CROT: variants seen among roughly 807,000 people sequenced by gnomAD.
CROT encodes peroxisomal carnitine O-octanoyltransferase.
In CROT, 84 loss-of-function variants were observed where a neutral mutation model predicts 89.2. That is an observed-to-expected ratio of 0.94 (90% CI 0.79 to 1.13). The LOEUF is 1.13. Among genes scored for constraint, CROT ranks in the 50% most tolerant of loss-of-function variants. CROT has a pLI of 0.00. For synonymous variants in CROT, 212 were observed against 239.5 expected (o/e 0.89, Z 1.06); for missense variants, 711 against 727.8 (o/e 0.98, Z 0.27).
intron 4 of CROT, among the ~76,000 whole-genome samples, chr7:87,361,076 C>T (rs1180598860): frequency 1.3e-5 from 2 of 152,008 alleles, no homozygotes; most frequent in Non-Finnish European, 2.9e-5. Context: ...TCAGGTGGTC[C>T]TCCTGCCTCA....
In CROT at chr7:87,382,521, G is replaced by A; in HGVS notation, c.1279G>A (p.Ala427Thr). ...GTTTATTCAGCTTGCACTTCAGCTG[G>A]CCTATTACAGACTTCATGGACAGTA... is the stretch of plus-strand genomic sequence containing the variant. ...DTFIQLALQL[A>T]YYRLHGHPGC... is the part of the protein sequence containing the mutation. The change falls in exon 13 of 18, where the codon GCC (alanine) becomes ACC (threonine). Residue 427 changes from alanine (A) to threonine (T), a missense_variant. Physicochemically the swap from Ala to Thr is moderately conservative, Grantham distance 58. Coordinates refer to ENST00000331536, the MANE Select transcript of CROT (RefSeq NM_021151.4). 6.2e-7 allele frequency: 1 copy of A among 1,613,802 alleles called. No individual in the cohort carries two copies. Among genetic ancestry groups the A allele is most frequent in the Non-Finnish European group, 8.5e-7 (1 of 1,179,806 alleles).
intron 7 of CROT, among the ~76,000 whole-genome samples, chr7:87,370,694 G>A (rs965641564): frequency 3.3e-5 from 5 of 152,192 alleles, no homozygotes; most frequent in African/African-American, 1.2e-4. Context: ...AAAGATTCCC[G>A]TCATCCCTCT....
chr7:87,363,595 G>T (rs1265735311), intron 6 of CROT, among the ~76,000 whole-genome samples: 3 of 152,166 alleles, frequency 2.0e-5, no homozygotes, highest in African/African-American at 7.2e-5. Context: ...AGATTGGAAA[G>T]GTGACTAGAA....
intron 10 of CROT, 52 bp from the exon 11 acceptor site, chr7:87,381,857 CA>C: frequency 1.6e-6 from 2 of 1,261,482 alleles, no homozygotes; most frequent in Non-Finnish European, 2.3e-6. Context: ...AATATTGGGT[CA>C]AGTTTTAAGT....
intron 17 of CROT, among the ~76,000 whole-genome samples, chr7:87,393,364 CA>C (rs1461811070): frequency 6.6e-6 from 1 of 152,046 alleles, no homozygotes; most frequent in Admixed American, 6.6e-5. Context: ...TTGGTTTGTA[CA>C]AGGTATTTTA....
chr7:87,361,468 G>C lies in CROT; in HGVS notation c.319G>C (p.Ala107Pro). 2 of 1,613,998 alleles carry C rather than the reference G, an allele frequency of 1.2e-6. No homozygotes were observed. Among genetic ancestry groups the C allele is most frequent in the South Asian group, 2.2e-5 (2 of 91,050 alleles). Residue 107 changes from alanine (A) to proline (P), a missense_variant, in exon 5 of 18, where the codon GCA becomes CCA. By Grantham distance (27) the Ala-to-Pro change is conservative. Transcript: ENST00000331536. ...SQLNVNFAGP[A>P]AHFEHYWPPK... ...ATTGAATGTCAACTTTGCGGGTCCT[G>C]CAGCTCATTTTGAACACTACTGGCC...
intron 3 of CROT, among the ~76,000 whole-genome samples, chr7:87,356,696 G>A (rs1249430261): frequency 6.6e-6 from 1 of 152,184 alleles, no homozygotes; most frequent in Non-Finnish European, 1.5e-5. Context: ...AACATGGGGT[G>A]TAAAAGCATC....
chr7:87,364,637 G>A (rs1409182632), intron 6 of CROT, among the ~76,000 whole-genome samples: 1 of 152,178 alleles, frequency 6.6e-6, no homozygotes, highest in Non-Finnish European at 1.5e-5. Context: ...TAAAGATTGT[G>A]ATATTACATC....
At chr7:87,366,644 T>C (rs957662982) in intron 6 of CROT, among the ~76,000 whole-genome samples, 5 of 152,236 alleles carry the variant, frequency 3.3e-5, no homozygotes, top group African/African-American at 1.2e-4. Flanking sequence ...GCTCTCTTCA[T>C]GGCTCCATTC....
chr7:87,360,070 T>G (rs1290130170), intron 4 of CROT: 2 of 975,040 alleles, frequency 2.1e-6, no homozygotes, highest in African/African-American at 3.5e-5. Flanking sequence ...TTGTTCTCAA[T>G]TTTGAGCCTT....
intron 4 of CROT, among the ~76,000 whole-genome samples, chr7:87,360,902 C>T (rs1370019587): frequency 5.3e-5 from 8 of 152,030 alleles, no homozygotes; most frequent in South Asian, 4.2e-4. Context: ...TATAGCTCCC[C>T]GCTGAAAAGA....
intron 6 of CROT, among the ~76,000 whole-genome samples, chr7:87,364,213 G>A (rs1806367435): frequency 6.6e-6 from 1 of 152,194 alleles, no homozygotes; most frequent in Admixed American, 6.5e-5. Context: ...ACCAGGCATA[G>A]AAAGCAACTG....
At chr7:87,378,910 T>C (rs1806899835) in intron 10 of CROT, among the ~76,000 whole-genome samples, 1 of 152,248 alleles carries the variant, frequency 6.6e-6, no homozygotes, top group Non-Finnish European at 1.5e-5. Flanking sequence ...TAAATGTCTA[T>C]TGGAGTATCT....
At chr7:87,395,403 A>T (rs1807494115) in intron 17 of CROT, among the ~76,000 whole-genome samples, 1 of 152,222 alleles carries the variant, frequency 6.6e-6, no homozygotes. Flanking sequence ...TGTCTCAGAC[A>T]CACCCAGGAT....
chr7:87,361,799 C>G lies in CROT; in HGVS notation c.494C>G (p.Thr165Ser). 1 of 1,609,332 alleles carries G rather than the reference C, an allele frequency of 6.2e-7. No homozygotes were observed. Among genetic ancestry groups the G allele is most frequent in the Non-Finnish European group, 8.5e-7 (1 of 1,177,824 alleles). The change falls in exon 6 of 18, where the codon ACC becomes AGC. Residue 165 changes from threonine (T) to serine (S), a missense_variant. Coordinates refer to ENST00000331536, the MANE Select transcript of CROT (RefSeq NM_021151.4). Reference sequence around the variant, plus strand: ...AATCAATTCCGAATGCTATTTTCTACCTGCAAGGTTCCAGGAATTACTAGA... The same window carrying G: ...AATCAATTCCGAATGCTATTTTCTAGCTGCAAGGTTCCAGGAATTACTAGA... ...DMNQFRMLFS[T>S]CKVPGITRDS...
Position 87,391,681 on chromosome 7 carries a change from G to C in CROT, c.1394G>C (p.Trp465Ser), listed in dbSNP as rs772888628. ...TCATGCACAGTTGAAGCAGTGAGGT[G>C]GTGCCAGTCCATGCAGGATCCTTCT... Reference protein sequence around the residue: ...MRSCTVEAVRWCQSMQDPSVN... With the variant: ...MRSCTVEAVRSCQSMQDPSVN... Residue 465 changes from tryptophan (W) to serine (S), a missense_variant, in exon 14 of 18, where the codon TGG becomes TCG. Physicochemically the swap from Trp to Ser is radical, Grantham distance 177. Coordinates refer to ENST00000331536, the MANE Select transcript of CROT (RefSeq NM_021151.4). The C allele has an allele frequency of 1.9e-6, 3 of 1,610,552 alleles. No individual in the cohort carries two copies. The Admixed American group carries it at 5.1e-5, about 27-fold the overall frequency.
intron 5 of CROT, 29 bp from the exon 6 acceptor site, chr7:87,361,699 C>T (rs1213104121): frequency 1.9e-6 from 3 of 1,551,840 alleles, no homozygotes; most frequent in Non-Finnish European, 2.6e-6. Flanking sequence ...TTTATAATGA[C>T]TTTTTGATCA....
intron 6 of CROT, 136 bp from the exon 7 acceptor site, chr7:87,369,240 G>T: frequency 1.9e-6 from 1 of 523,818 alleles, no homozygotes; most frequent in Non-Finnish European, 3.4e-6. Flanking sequence ...CATTATTTTT[G>T]TTATGTGATA....
chr7:87,375,982 T>A (rs1025572944), intron 9 of CROT, 29 bp downstream of exon 9: 8 of 1,534,246 alleles, frequency 5.2e-6, no homozygotes, highest in Admixed American at 2.3e-5. Context: ...TTTTTTTTTT[T>A]ATTGCAGATT....
Sources: allele counts gnomAD v4.1 joint callset (sites outside exome capture counted in the v4.1 genomes callset), GRCh38; gene constraint gnomAD v4.1.1; transcripts MANE v1.5; gene names NCBI Gene and HGNC (gene_info 2026-07-23, HGNC 2026-07-21).